The following ARHGAP17 variants were observed in gnomAD, a reference collection of about 807,000 sequenced individuals.
ARHGAP17 encodes the protein Rho GTPase activating protein 17, also known as rho GTPase-activating protein 17.
ARHGAP17 carries 57 observed loss-of-function variants against 99.5 expected under a neutral mutation model. That is an observed-to-expected ratio of 0.57 (90% confidence interval 0.46 to 0.71). The LOEUF is 0.71. Among genes scored for constraint, ARHGAP17 ranks in the 30% least tolerant of loss-of-function variants. ARHGAP17 has a pLI of 0.00. For synonymous variants in ARHGAP17, 417 were observed against 429.6 expected (o/e 0.97, Z 0.36); for missense variants, 1,000 against 1,122.4 (o/e 0.89, Z 1.56).
At chr16:24,956,958 G>C (rs2051827381) in intron 9 of ARHGAP17, 2 of 152,210 alleles carry the variant, frequency 1.3e-5, no homozygotes. Context: ...GATTAAACAG[G>C]CTGAAAAACG....
chr16:24,964,662 G>A (rs1345347971), intron 6 of ARHGAP17, among the ~76,000 whole-genome samples: 1 of 152,162 alleles, frequency 6.6e-6, no homozygotes, highest in African/African-American at 2.4e-5. Context: ...AGAGCAAGGT[G>A]CTCTCCTTGC....
At chr16:24,966,209 C>T (rs1294591930) in intron 6 of ARHGAP17, among the ~76,000 whole-genome samples, 2 of 152,186 alleles carry the variant, frequency 1.3e-5, no homozygotes, top group South Asian at 2.1e-4. Context: ...TCCAATCACA[C>T]GTACAGGCCA....
intron 6 of ARHGAP17, among the ~76,000 whole-genome samples, chr16:24,967,214 A>T (rs1406433633): frequency 2.0e-4 from 30 of 152,208 alleles, no homozygotes; most frequent in Admixed American, 2.0e-3. Context: ...ACATTTCTTA[A>T]ATCAGGACTC....
chr16:25,009,122 T>C (rs1473888509), intron 1 of ARHGAP17, among the ~76,000 whole-genome samples: 2 of 152,062 alleles, frequency 1.3e-5, no homozygotes, highest in Non-Finnish European at 2.9e-5. Flanking sequence ...CCCCAGCACT[T>C]TGGGAGGCCA....
chr16:24,967,432 G>C (rs2052220457), intron 6 of ARHGAP17, among the ~76,000 whole-genome samples: 1 of 152,220 alleles, frequency 6.6e-6, no homozygotes, highest in African/African-American at 2.4e-5. Flanking sequence ...GATAAAGCAG[G>C]AAACAGGACT....
In ARHGAP17 at chr16:24,952,975, G is replaced by A. The variant is rs201177999; in HGVS notation, c.920C>T (p.Thr307Ile). The change falls in exon 11 of 20, where the codon ACT becomes ATT. Residue 307 changes from threonine to isoleucine, a missense_variant. By Grantham distance (89) the Thr-to-Ile change is moderately conservative. Transcript: ENST00000289968. ...TGAATAGAACTCATCCAGGTGAGAA[G>A]TAGAACAGTCCAAAGCAGCTTTCAG... ...KKLKAALDCS[T>I]SHLDEFYSDP... 1 of 1,614,208 alleles carries A rather than the reference G, an allele frequency of 6.2e-7. No individual in the cohort carries two copies. The highest frequency in any genetic ancestry group is 2.2e-5 in the East Asian group (1 of 44,882).
intron 16 of ARHGAP17, 128 bp downstream of exon 16, chr16:24,941,859 A>G: frequency 7.8e-7 from 1 of 1,286,800 alleles, no homozygotes; most frequent in Non-Finnish European, 1.1e-6. Flanking sequence ...TCCAGAAACT[A>G]TCTGGACACC....
intron 4 of ARHGAP17, among the ~76,000 whole-genome samples, chr16:24,970,054 TAAAA>T (rs200930789): frequency 7.0e-6 from 1 of 143,272 alleles, no homozygotes; most frequent in Non-Finnish European, 1.5e-5. Flanking sequence ...ATGACAATTG[TAAAA>T]AAAAAAAAAA....
intron 19 of ARHGAP17, among the ~76,000 whole-genome samples, chr16:24,927,220 G>A (rs988388625): frequency 3.3e-5 from 5 of 152,204 alleles, no homozygotes; most frequent in African/African-American, 7.2e-5. Flanking sequence ...GCAGTGAGCC[G>A]AGATTGCGCG....
At chr16:25,004,251 C>A (rs1384394776) in intron 1 of ARHGAP17, among the ~76,000 whole-genome samples, 1 of 152,158 alleles carries the variant, frequency 6.6e-6, no homozygotes, top group African/African-American at 2.4e-5. Context: ...TAGCAAGACT[C>A]TGCCTCCATG....
At chr16:24,991,918 G>T (rs1048767047) in intron 1 of ARHGAP17, among the ~76,000 whole-genome samples, 53 of 152,198 alleles carry the variant, frequency 3.5e-4, no homozygotes, top group African/African-American at 1.3e-3. Context: ...CCCTTGAGGA[G>T]CTCATGAGAA....
At chr16:24,970,479 T>C in intron 4 of ARHGAP17, 28 bp downstream of exon 4, 2 of 1,608,842 alleles carry the variant, frequency 1.2e-6, no homozygotes, top group Non-Finnish European at 1.7e-6. Flanking sequence ...TACATGGCAC[T>C]TGGCACTCTG....
chr16:24,933,861 TTTCG>T (rs1354247777), intron 18 of ARHGAP17, among the ~76,000 whole-genome samples: 19 of 152,218 alleles, frequency 1.2e-4, no homozygotes, highest in African/African-American at 4.6e-4. Context: ...GGAGCTGTGA[TTTCG>T]GGAAGCATGA....
At chr16:24,945,114 A>G (rs915021995) in intron 14 of ARHGAP17, among the ~76,000 whole-genome samples, 2 of 151,958 alleles carry the variant, frequency 1.3e-5, no homozygotes, top group African/African-American at 4.8e-5. Flanking sequence ...CAGTTAGACC[A>G]GGAGTTCAAG....
intron 19 of ARHGAP17, chr16:24,929,742 A>C: frequency 1.3e-6 from 1 of 784,590 alleles, no homozygotes; most frequent in Non-Finnish European, 1.6e-6. Flanking sequence ...AAAAAAAGTT[A>C]TTAACCATTT....
chr16:24,985,361 T>A (rs1405320530), intron 1 of ARHGAP17, among the ~76,000 whole-genome samples: 1 of 152,238 alleles, frequency 6.6e-6, no homozygotes, highest in African/African-American at 2.4e-5. Context: ...CAGGTCTCCC[T>A]GGACTACGAT....
chr16:24,952,201 G>A lies in ARHGAP17; in HGVS notation c.1046+88C>T, dbSNP rs891283186. The A allele has an allele frequency of 1.4e-5, 13 of 941,572 alleles. No individual in the cohort carries two copies. The African/African-American group carries it at 1.8e-4, about 13-fold the overall frequency. 58.3% of individuals were successfully genotyped at this position (941,572 alleles called of 1,614,324 possible). A position where few individuals can be genotyped will look rare whatever the true frequency, so the allele number is the denominator to read the frequency against. On this transcript the variant is annotated intron_variant, in intron 12 of 19. Transcript: ENST00000289968. ...AACAAATACGCTATTTTAATCTTAT[G>A]ATCCCTGAGAATAAAATGATTTGCA...
chr16:24,954,923 G>A, intron 9 of ARHGAP17, 193 bp from the exon 10 acceptor site: 1 of 740,106 alleles, frequency 1.4e-6, no homozygotes, highest in South Asian at 2.1e-5. Flanking sequence ...GGCTGGGGCG[G>A]TTACTTGTGG....
intron 6 of ARHGAP17, among the ~76,000 whole-genome samples, chr16:24,966,448 T>C (rs1055290879): frequency 6.6e-6 from 1 of 152,024 alleles, no homozygotes; most frequent in African/African-American, 2.4e-5. Context: ...GCCTGGCCAA[T>C]GTGGTGAAAC....
Sources: gnomAD v4.1 joint callset for allele counts (sites outside exome capture counted in the v4.1 genomes callset) on GRCh38, gnomAD v4.1.1 for gene constraint, MANE v1.5 for transcripts, NCBI Gene and HGNC (gene_info 2026-07-23, HGNC 2026-07-21) for gene names.